Variants in RARS2 observed in about 807,000 individuals in gnomAD.
RARS2 encodes probable arginine--tRNA ligase, mitochondrial.
In RARS2, 67 loss-of-function variants were observed where a neutral mutation model predicts 88.5. The ratio of observed to expected loss-of-function variants is 0.76; its 90% CI spans 0.62 to 0.93. The LOEUF is 0.93. RARS2 is among the 40% of genes least tolerant of loss of function. The probability of loss-of-function intolerance (pLI) is 0.00; values close to 1 mark genes in which losing one functional copy is unlikely to be tolerated. For missense variants in RARS2, 664 were observed against 684.2 expected (o/e 0.97, Z 0.33); for synonymous variants, 239 against 230.3 (o/e 1.04, Z -0.34).
intron 6 of RARS2, among the ~76,000 whole-genome samples, chr6:87,548,356 T>C (rs1783248392): frequency 6.6e-6 from 1 of 152,224 alleles, no homozygotes; most frequent in African/African-American, 2.4e-5. Flanking sequence ...AATCATAACA[T>C]ATATAGCAGT....
intron 1 of RARS2, among the ~76,000 whole-genome samples, chr6:87,579,660 AAAAG>A (rs934032018): frequency 1.3e-5 from 2 of 151,614 alleles, no homozygotes; most frequent in African/African-American, 4.8e-5. Context: ...GCATAAAAAA[AAAAG>A]AGAGAGAGAG....
At chr6:87,520,413 G>A (rs1397935484) in intron 12 of RARS2, among the ~76,000 whole-genome samples, 157 bp from the exon 13 acceptor site, 2 of 152,138 alleles carry the variant, frequency 1.3e-5, no homozygotes, top group Non-Finnish European at 2.9e-5. Flanking sequence ...CACAAGAAGA[G>A]TGTCTAAGTG....
At chr6:87,555,572 G>T in intron 4 of RARS2, 67 bp from the exon 5 acceptor site, 2 of 1,255,492 alleles carry the variant, frequency 1.6e-6, no homozygotes, top group South Asian at 1.2e-5. Context: ...CTGTTACTGA[G>T]AATTAAATGT....
At chr6:87,582,970 GA>G (rs1309921073) in intron 1 of RARS2, among the ~76,000 whole-genome samples, 2 of 152,040 alleles carry the variant, frequency 1.3e-5, no homozygotes, top group Admixed American at 6.6e-5. Flanking sequence ...CCTATATGGG[GA>G]AAAAAATCAA....
At chr6:87,519,208 GTATATATATATATCTATATA>G in intron 14 of RARS2, 1 of 257,010 alleles carries the variant, frequency 3.9e-6, no homozygotes, top group African/African-American at 2.4e-5. Flanking sequence ...GTGTGTGTGT[GTATATATATATATCTATATA>G]TATCTGATAC....
intron 12 of RARS2, among the ~76,000 whole-genome samples, chr6:87,521,124 A>C (rs918101179): frequency 7.2e-5 from 11 of 152,370 alleles, no homozygotes; most frequent in African/African-American, 2.4e-4. Flanking sequence ...ACTTCTTGTG[A>C]GTATTAAATT....
chr6:87,559,391 TG>T (rs1020788881), intron 4 of RARS2, among the ~76,000 whole-genome samples: 1 of 131,678 alleles, frequency 7.6e-6, no homozygotes, highest in African/African-American at 2.9e-5. Context: ...CGCTTGAACC[TG>T]GGGGGCGGAG....
At chr6:87,526,935 T>G (rs891506456) in intron 10 of RARS2, among the ~76,000 whole-genome samples, 1 of 151,872 alleles carries the variant, frequency 6.6e-6, no homozygotes, top group Admixed American at 6.5e-5. Context: ...CCTCCCAAAG[T>G]GCTGGGATTA....
rs80134662 is a variant in RARS2 at position 87,514,358 on chromosome 6, C to A, written c.*55G>T. The A allele has an allele frequency of 2.0e-3, 2,447 of 1,217,810 alleles. 31 individuals are homozygous for A. In the African/African-American group the frequency reaches 0.032, roughly 16 times the overall value. 75.4% of individuals were successfully genotyped at this position (1,217,810 alleles called of 1,614,324 possible). The stretch of plus-strand genomic sequence containing the variant: ...AAATTTATTCTGAACAGCAAGGCAT[C>A]TCAGAATAGATAACTAGAATTCACT... On this transcript the variant is annotated 3_prime_UTR_variant, in exon 20 of 20. Coordinates refer to ENST00000369536, the MANE Select transcript of RARS2 (RefSeq NM_020320.5).
chr6:87,589,972 A>G lies in RARS2; in HGVS notation c.-15T>C. 1 of 1,614,200 alleles carries G rather than the reference A, an allele frequency of 6.2e-7. No homozygotes were observed. The highest frequency in any genetic ancestry group is 1.1e-5 in the South Asian group (1 of 91,088). On this transcript the variant is annotated 5_prime_UTR_variant, in exon 1 of 20. Transcript: ENST00000369536. Reference sequence around the variant, plus strand: ...CCGCACGCCATGTCCACCTCTACGGAAGTGCGCCGCAGTCCGCCAGTTCCG... The same window carrying G: ...CCGCACGCCATGTCCACCTCTACGGGAGTGCGCCGCAGTCCGCCAGTTCCG...
chr6:87,547,345 C>T lies in RARS2; in HGVS notation c.451+1246G>A, dbSNP rs146611555. Among the ~76,000 whole-genome samples, 789 of 152,164 alleles carry T rather than the reference C, an allele frequency of 5.2e-3. 4 individuals carry two copies. Among genetic ancestry groups the T allele is most frequent in the South Asian group, 0.016 (77 of 4,818 alleles). On this transcript the variant is annotated intron_variant, in intron 6 of 19. Transcript: ENST00000369536. ...CTGCTCAAGAACAGTAAGAGCTGAC[C>T]GCACAACAATCTATGCCACAAGTAC...
At chr6:87,567,558 C>A (rs1007359204) in intron 2 of RARS2, among the ~76,000 whole-genome samples, 1 of 152,058 alleles carries the variant, frequency 6.6e-6, no homozygotes, top group Admixed American at 6.5e-5. Flanking sequence ...ACCATGTTAA[C>A]AAAAATACTA....
Position 87,541,979 on chromosome 6 carries a change from C to T in RARS2, c.551G>A (p.Gly184Asp). The change falls in exon 8 of 20, where the codon GGC becomes GAC. Residue 184 changes from glycine (G) to aspartate (D), a missense_variant. Gly to Asp is a moderately conservative substitution (Grantham distance 94). Coordinates refer to ENST00000369536, the MANE Select transcript of RARS2 (RefSeq NM_020320.5). ...WGMQFGLLGT[G>D]FQLFGYEEKL... ...TTCCTCATAGCCAAACAGCTGGAAG[C>T]CAGTTCCCAGAAGACCTACCATGAT... 6.2e-7 allele frequency: 1 copy of T among 1,612,718 alleles called. No homozygotes were observed. Among genetic ancestry groups the T allele is most frequent in the Non-Finnish European group, 8.5e-7 (1 of 1,178,950 alleles).
At chr6:87,562,650 G>T in intron 4 of RARS2, 52 bp downstream of exon 4, 2 of 1,371,070 alleles carry the variant, frequency 1.5e-6, no homozygotes, top group Non-Finnish European at 2.1e-6. Context: ...GACCACTGTG[G>T]CTGAAGCAGA....
At chr6:87,514,830 T>G (rs113156417) in intron 19 of RARS2, 127 bp downstream of exon 19, 33 of 796,640 alleles carry the variant, frequency 4.1e-5, no homozygotes, top group African/African-American at 3.4e-4. Flanking sequence ...AGCCTAATTA[T>G]TAGCTAAGGA....
At chr6:87,576,658 T>C (rs938214344) in intron 1 of RARS2, among the ~76,000 whole-genome samples, 2 of 152,164 alleles carry the variant, frequency 1.3e-5, no homozygotes, top group Non-Finnish European at 2.9e-5. Context: ...TTTAAAAGTA[T>C]TTGTAATATT....
intron 1 of RARS2, among the ~76,000 whole-genome samples, chr6:87,579,401 G>A (rs898637873): frequency 1.3e-5 from 2 of 152,102 alleles, no homozygotes; most frequent in African/African-American, 4.8e-5. Flanking sequence ...GTAGCCGTTC[G>A]GTAGTGGTTA....
At chr6:87,514,712 T>C (rs1770948640) in intron 19 of RARS2, among the ~76,000 whole-genome samples, 1 of 152,254 alleles carries the variant, frequency 6.6e-6, no homozygotes, top group Non-Finnish European at 1.5e-5. Context: ...GTGATAGTAT[T>C]ATACAGTATG....
intron 10 of RARS2, among the ~76,000 whole-genome samples, chr6:87,527,466 T>A (rs549488359): frequency 1.3e-5 from 2 of 152,094 alleles, no homozygotes; most frequent in Non-Finnish European, 2.9e-5. Context: ...GCTGTAAAAC[T>A]ATTAGAGGAA....
Sources: gnomAD v4.1 joint callset for allele counts (sites outside exome capture counted in the v4.1 genomes callset) on GRCh38, gnomAD v4.1.1 for gene constraint, MANE v1.5 for transcripts, NCBI Gene and HGNC (gene_info 2026-07-23, HGNC 2026-07-21) for gene names.